Variants in SMG1 observed in about 807,000 individuals in gnomAD.
SMG1 encodes SMG1 nonsense mediated mRNA decay associated PI3K related kinase, also known as serine/threonine-protein kinase SMG1.
In SMG1, 22 loss-of-function variants were observed where a neutral mutation model predicts 419.9. That is an observed-to-expected ratio of 0.05 (90% CI 0.04 to 0.07). SMG1 has a LOEUF of 0.07. Ranked by LOEUF, SMG1 falls within the 10% of genes least tolerant of loss-of-function variation. The pLI, the probability that SMG1 is intolerant of heterozygous loss-of-function variation, is 1.00. For synonymous variants in SMG1, 1,538 were observed against 1,553.5 expected, an observed-to-expected ratio of 0.99 and a Z score of 0.23; for missense variants, 3,185 against 4,342.0, an observed-to-expected ratio of 0.73 and a Z score of 7.49.
At chr16:18,920,462 C>T (rs1382291161) in intron 1 of SMG1, among the ~76,000 whole-genome samples, 1 of 151,154 alleles carries the variant, frequency 6.6e-6, no homozygotes, top group Non-Finnish European at 1.5e-5. Context: ...TAAGGAATGA[C>T]TTATTTCATA....
intron 23 of SMG1, among the ~76,000 whole-genome samples, chr16:18,865,804 A>T (rs1284264091): frequency 1.3e-5 from 2 of 151,884 alleles, no homozygotes; most frequent in African/African-American, 4.8e-5. Flanking sequence ...CTGGGATTAC[A>T]CGTATGTGCC....
At chr16:18,890,345 T>C (rs1318222987) in intron 5 of SMG1, among the ~76,000 whole-genome samples, 2 of 152,122 alleles carry the variant, frequency 1.3e-5, no homozygotes, top group Admixed American at 1.3e-4. Flanking sequence ...TTAAAAAAAA[T>C]AAAATATTCC....
At chr16:18,887,516 C>CTTTTTTTTTTTTTTTTTTT (rs574179061) in intron 6 of SMG1, among the ~76,000 whole-genome samples, 16 of 110,138 alleles carry the variant, frequency 1.5e-4, no homozygotes, top group Non-Finnish European at 2.6e-4. Flanking sequence ...TTTTTTTTTC[C>CTTTTTTTTTTTTTTTTTTT]TTTTTTTTTT....
intron 12 of SMG1, 126 bp from the exon 13 acceptor site, chr16:18,876,519 G>T: frequency 8.1e-7 from 1 of 1,230,856 alleles, no homozygotes; most frequent in East Asian, 2.5e-5. Context: ...TCAATTCACT[G>T]TCCGTAGCAC....
intron 46 of SMG1, 90 bp from the exon 47 acceptor site, chr16:18,836,622 T>C: frequency 7.5e-7 from 1 of 1,341,804 alleles, no homozygotes; most frequent in African/African-American, 1.4e-5. Context: ...ACACATGGAC[T>C]GTCTGGTACG....
intron 34 of SMG1, 39 bp from the exon 35 acceptor site, chr16:18,850,165 C>G: frequency 6.3e-7 from 1 of 1,597,572 alleles, no homozygotes; most frequent in Non-Finnish European, 8.5e-7. Context: ...AAGAAAATAA[C>G]TCAGAACACT....
chr16:18,812,665 T>C (rs1473476836), intron 60 of SMG1, among the ~76,000 whole-genome samples: 7 of 148,868 alleles, frequency 4.7e-5, no homozygotes, highest in African/African-American at 1.5e-4. Flanking sequence ...CACACACATA[T>C]ATATATACAC....
At chr16:18,827,675 A>AT (rs1181526182) in intron 55 of SMG1, among the ~76,000 whole-genome samples, 2 of 141,022 alleles carry the variant, frequency 1.4e-5, no homozygotes, top group African/African-American at 5.3e-5. Flanking sequence ...TTTTATATAT[A>AT]TTTGGTATAA....
At chr16:18,911,736 G>A (rs1460438240) in intron 1 of SMG1, 3 of 151,944 alleles carry the variant, frequency 2.0e-5, no homozygotes, top group Non-Finnish European at 4.4e-5. Flanking sequence ...CTTTTTTCAT[G>A]ACACCAGCCT....
intron 6 of SMG1, among the ~76,000 whole-genome samples, chr16:18,886,757 G>A (rs182300802): frequency 1.5e-3 from 228 of 152,226 alleles, no homozygotes; most frequent in Non-Finnish European, 1.6e-3. Flanking sequence ...AGCCGAGATC[G>A]TGCCACTGCC....
chr16:18,811,151 A>G (rs1193066167), intron 62 of SMG1, among the ~76,000 whole-genome samples: 4 of 152,098 alleles, frequency 2.6e-5, no homozygotes, highest in African/African-American at 9.7e-5. Flanking sequence ...ATTCTTTGAG[A>G]TTTTGGAATA....
intron 56 of SMG1, among the ~76,000 whole-genome samples, chr16:18,819,267 C>A (rs1900043884): frequency 6.6e-6 from 1 of 152,140 alleles, no homozygotes; most frequent in Non-Finnish European, 1.5e-5. Flanking sequence ...TATTTTTCAA[C>A]AGAGGCTGAA....
At position 18,852,014 on chromosome 16, in the gene SMG1, A is replaced by C. The variant is rs1029475692; in HGVS notation, c.5052+53T>G. 6 of 1,531,200 alleles carry C rather than the reference A, an allele frequency of 3.9e-6. No individual in the cohort carries two copies. In the African/African-American group the frequency reaches 8.3e-5, roughly 21 times the overall value. The allele number at this position is 1,531,200 out of a possible 1,614,324, so 94.9% of individuals were successfully genotyped here. ...TCAAATATATATGATCAATTTTCTC[A>C]AAATCAATGATTTGGAGTAGCAATC... On this transcript the variant is annotated intron_variant, in intron 33 of 62. Coordinates refer to ENST00000446231, the MANE Select transcript of SMG1 (RefSeq NM_015092.5).
chr16:18,875,234 T>C (rs1311981183), intron 13 of SMG1: 2 of 152,594 alleles, frequency 1.3e-5, no homozygotes, highest in Non-Finnish European at 2.9e-5. Context: ...GTTTCAAATT[T>C]TGGAGCATTT....
At chr16:18,896,331 T>C in intron 2 of SMG1, 124 bp from the exon 3 acceptor site, 3 of 810,564 alleles carry the variant, frequency 3.7e-6, no homozygotes, top group Non-Finnish European at 6.4e-6. Flanking sequence ...TCCTACCTTT[T>C]TCCTGTACTG....
chr16:18,853,637 G>C lies in SMG1; in HGVS notation c.4714C>G (p.Pro1572Ala), dbSNP rs2034725761. The C allele has an allele frequency of 2.5e-6, 4 of 1,610,538 alleles. No homozygotes were observed. The highest frequency in any genetic ancestry group is 2.7e-5 in the African/African-American group (2 of 74,902). The change falls in exon 31 of 63, where the codon CCA becomes GCA. Residue 1572 changes from proline to alanine, a missense_variant. Physicochemically the swap from Pro to Ala is conservative, Grantham distance 27. Transcript: ENST00000446231. ...TCTTCTTCCATCGTATTAACAGATG[G>C]CAGTTCTATTAGAGTGAGTATGTTT... ...SKNILTLIEL[P>A]SVNTMEEEYP...
rs754700194 is a variant in SMG1, at chr16:18,853,664, T to C, written c.4687A>G (p.Lys1563Glu). The change falls in exon 31 of 63, where the codon AAA (lysine) becomes GAA (glutamate). Residue 1563 changes from lysine (K) to glutamate (E), a missense_variant. This residue lies in a region of SMG1 where 493 missense variants were observed against 552.9 expected (regional missense o/e 0.89). Coordinates refer to ENST00000446231, the MANE Select transcript of SMG1 (RefSeq NM_015092.5). The stretch of plus-strand genomic sequence containing the variant: ...AGTTCTATTAGAGTGAGTATGTTTT[T>C]AGACAAAGTAGAAAGACCTGTGAAG... ...QNFTGLSTLSKNILTLIELPS... is the reference protein window; with the variant it reads ...QNFTGLSTLSENILTLIELPS... The C allele has an allele frequency of 4.3e-6, 7 of 1,613,000 alleles. No individual in the cohort carries two copies. Among genetic ancestry groups the C allele is most frequent in the Admixed American group, 1.7e-5 (1 of 59,892 alleles).
In SMG1 at chr16:18,907,845, C is replaced by CAAAAA. The variant is rs71141092; in HGVS notation, c.93-10894_93-10890dup. Among the ~76,000 whole-genome samples the CAAAAA allele has an allele frequency of 7.0e-3, 381 of 54,578 alleles. 8 individuals are homozygous for CAAAAA. The highest frequency in any genetic ancestry group is 0.048 in the Middle Eastern group (4 of 84). The allele number at this position is 54,578 out of a possible 152,430, so 35.8% of individuals were successfully genotyped here. A position where few individuals can be genotyped will look rare whatever the true frequency, so the allele number is the denominator to read the frequency against. On this transcript the variant is annotated intron_variant, in intron 1 of 62. Coordinates refer to ENST00000446231, the MANE Select transcript of SMG1 (RefSeq NM_015092.5). ...CCCACCTAGGCGACAGAACGAGACT[C>CAAAAA]AAAAAAAAAAAAAAAAAAAAAAAAG...
At chr16:18,817,187 T>A in intron 57 of SMG1, 104 bp downstream of exon 57, 8 of 734,746 alleles carry the variant, frequency 1.1e-5, no homozygotes, top group Non-Finnish European at 1.3e-5. Flanking sequence ...ACCTCTTACA[T>A]ACAGTATATG....
Sources: allele counts gnomAD v4.1 joint callset (sites outside exome capture counted in the v4.1 genomes callset), GRCh38; gene constraint gnomAD v4.1.1; regional missense constraint gnomAD v4.1.1; transcripts MANE v1.5; gene names NCBI Gene and HGNC (gene_info 2026-07-23, HGNC 2026-07-21).